Variants in UNC13C observed in about 807,000 individuals in gnomAD.
UNC13C encodes the protein protein unc-13 homolog C.
A neutral mutation model predicts 245.4 loss-of-function variants in UNC13C; 174 were observed. That is an observed-to-expected ratio of 0.71 (90% CI 0.63 to 0.80). UNC13C has a LOEUF of 0.80. Ranked by LOEUF, UNC13C falls within the 30% of genes least tolerant of loss-of-function variation. UNC13C has a pLI of 0.00. For missense variants in UNC13C, 2,829 were observed against 2,602.9 expected, an observed-to-expected ratio of 1.09 and a Z score of -1.89; for synonymous variants, 992 against 895.1, an observed-to-expected ratio of 1.11 and a Z score of -1.93.
intron 19 of UNC13C, among the ~76,000 whole-genome samples, chr15:54,434,799 C>T (rs747887969): frequency 6.6e-6 from 1 of 152,062 alleles, no homozygotes; most frequent in Non-Finnish European, 1.5e-5. Flanking sequence ...GAACAGACAA[C>T]CTACAAAATG....
chr15:54,295,506 C>T (rs966880470), intron 11 of UNC13C, among the ~76,000 whole-genome samples: 3 of 151,984 alleles, frequency 2.0e-5, no homozygotes, highest in African/African-American at 4.8e-5. Flanking sequence ...AAAATATTAG[C>T]CAAGCATGGT....
chr15:54,523,961 T>TA (rs923131828), intron 24 of UNC13C, among the ~76,000 whole-genome samples: 1 of 152,132 alleles, frequency 6.6e-6, no homozygotes, highest in South Asian at 2.1e-4. Context: ...AAATATCATT[T>TA]AAAAAAATTC....
chr15:54,499,579 C>G (rs1028346528), intron 20 of UNC13C, among the ~76,000 whole-genome samples: 1 of 151,890 alleles, frequency 6.6e-6, no homozygotes, highest in African/African-American at 2.4e-5. Context: ...GGCACACATA[C>G]AGAAAAAAGA....
intron 19 of UNC13C, among the ~76,000 whole-genome samples, chr15:54,476,266 C>T (rs969684602): frequency 2.8e-5 from 4 of 143,172 alleles, no homozygotes; most frequent in Admixed American, 2.1e-4. Context: ...ATTGCCTGTT[C>T]ACTCTGATGG....
chr15:54,179,781 G>A (rs142314828), intron 4 of UNC13C, among the ~76,000 whole-genome samples: 1 of 151,878 alleles, frequency 6.6e-6, no homozygotes, highest in Admixed American at 6.6e-5. Flanking sequence ...ATCAAGTTAC[G>A]AATTCAAAAG....
chr15:54,406,574 A>T (rs1567244840), intron 18 of UNC13C, among the ~76,000 whole-genome samples: 1 of 152,162 alleles, frequency 6.6e-6, no homozygotes. Flanking sequence ...TTGTTTAAAG[A>T]GAAAAAATGT....
intron 4 of UNC13C, among the ~76,000 whole-genome samples, chr15:54,179,483 T>G (rs184295820): frequency 2.0e-5 from 3 of 152,142 alleles, no homozygotes; most frequent in Admixed American, 2.0e-4. Flanking sequence ...AAATACAATA[T>G]ATACTATTAA....
At chr15:53,868,924 C>G in the UNC13C span, among the ~76,000 whole-genome samples, 1 of 152,056 alleles carries the variant, frequency 6.6e-6, no homozygotes. Context: ...TGAGACCAGC[C>G]TGAGCAAAAT....
chr15:54,398,292 G>C (rs1226306490), intron 18 of UNC13C, among the ~76,000 whole-genome samples: 1 of 151,268 alleles, frequency 6.6e-6, no homozygotes, highest in Non-Finnish European at 1.5e-5. Context: ...TGCATTCCTG[G>C]AACAATCTCC....
intron 4 of UNC13C, among the ~76,000 whole-genome samples, chr15:54,157,604 G>C (rs909995960): frequency 6.6e-6 from 1 of 152,154 alleles, no homozygotes; most frequent in African/African-American, 2.4e-5. Flanking sequence ...CACTTTATGA[G>C]TTTTGAGACA....
At chr15:54,366,902 G>A (rs1490895534) in intron 17 of UNC13C, among the ~76,000 whole-genome samples, 3 of 152,080 alleles carry the variant, frequency 2.0e-5, no homozygotes, top group African/African-American at 4.8e-5. Context: ...CCCTGTTACA[G>A]CACAGCAGGA....
chr15:54,257,449 A>T (rs1306227708), intron 8 of UNC13C, among the ~76,000 whole-genome samples: 1 of 152,198 alleles, frequency 6.6e-6, no homozygotes, highest in East Asian at 1.9e-4. Context: ...TTGTTCTAAA[A>T]GTATGCATAT....
intron 2 of UNC13C, among the ~76,000 whole-genome samples, chr15:54,119,614 C>T (rs765581466): frequency 1.3e-5 from 2 of 152,090 alleles, no homozygotes; most frequent in Non-Finnish European, 2.9e-5. Flanking sequence ...TCACACATCT[C>T]TCACTTTAAA....
rs1384614592 is a variant in UNC13C at position 54,553,444 on chromosome 15, TTATAATA to T, written c.5878-1976_5878-1970del. Among the ~76,000 whole-genome samples, 16 of 135,408 alleles carry T rather than the reference TTATAATA, an allele frequency of 1.2e-4. No individual in the cohort carries two copies. The East Asian group carries it at 3.1e-3, about 27-fold the overall frequency. The allele number at this position is 135,408 out of a possible 152,430, so 88.8% of individuals were successfully genotyped here. A position where few individuals can be genotyped will look rare whatever the true frequency, so the allele number is the denominator to read the frequency against. ...ATATTATATATAATATATAATATAATTATAATATATAATATATATTACAGAAAACATT... is the reference window on the plus strand; with the variant it reads ...ATATTATATATAATATATAATATAATTATAATATATATTACAGAAAACATT... On this transcript the variant is annotated intron_variant, in intron 28 of 32. Coordinates refer to ENST00000260323, the MANE Select transcript of UNC13C (RefSeq NM_001080534.3).
At chr15:54,570,227 G>A (rs1897693794) in intron 30 of UNC13C, among the ~76,000 whole-genome samples, 1 of 152,140 alleles carries the variant, frequency 6.6e-6, no homozygotes, top group South Asian at 2.1e-4. Flanking sequence ...ACTGCCTACT[G>A]CAGCATATGC....
the UNC13C span, among the ~76,000 whole-genome samples, chr15:53,874,992 C>A: frequency 6.6e-6 from 1 of 152,056 alleles, no homozygotes; most frequent in South Asian, 2.1e-4. Context: ...ACTTGAGAGG[C>A]TGAGGCAGGA....
the UNC13C span, among the ~76,000 whole-genome samples, chr15:53,904,755 T>C: frequency 1.3e-5 from 2 of 152,184 alleles, no homozygotes; most frequent in Admixed American, 1.3e-4. Flanking sequence ...TGAGCATACA[T>C]TTTGGAATCA....
intron 4 of UNC13C, among the ~76,000 whole-genome samples, chr15:54,168,588 C>T (rs1477623715): frequency 6.6e-6 from 1 of 151,960 alleles, no homozygotes; most frequent in African/African-American, 2.4e-5. Flanking sequence ...GGTTTTTGGC[C>T]ACGGTCATTT....
At chr15:54,095,199 G>A (rs981090002) in intron 2 of UNC13C, among the ~76,000 whole-genome samples, 16 of 152,164 alleles carry the variant, frequency 1.1e-4, no homozygotes, top group African/African-American at 3.4e-4. Context: ...AGATTTCTCA[G>A]GCATCGTGCC....
Sources: gnomAD v4.1 joint callset for allele counts (sites outside exome capture counted in the v4.1 genomes callset) on GRCh38, gnomAD v4.1.1 for gene constraint, MANE v1.5 for transcripts, NCBI Gene and HGNC (gene_info 2026-07-23, HGNC 2026-07-21) for gene names.